The following KIF6 variants were observed in gnomAD, a reference collection of about 807,000 sequenced individuals.
KIF6 encodes kinesin-like protein KIF6.
KIF6 carries 106 observed loss-of-function variants against 112.7 expected under a neutral mutation model. The observed-to-expected ratio is 0.94, with a 90% CI of 0.80 to 1.11. The LOEUF (loss-of-function observed/expected upper bound fraction) is 1.11. Among genes scored for constraint, KIF6 ranks in the 50% least tolerant of loss-of-function variants. KIF6 has a pLI of 0.00. For missense variants in KIF6, 929 were observed against 964.0 expected (o/e 0.96, Z 0.48); for synonymous variants, 339 against 339.9 (o/e 1.00, Z 0.03).
chr6:39,634,736 C>T (rs1000341751), intron 5 of KIF6, 113 bp downstream of exon 5: 19 of 736,828 alleles, frequency 2.6e-5, no homozygotes, highest in Non-Finnish European at 3.9e-5. Context: ...ATACGGTTAT[C>T]CAGTATTTGC....
At chr6:39,598,599 G>T (rs545720274) in intron 6 of KIF6, among the ~76,000 whole-genome samples, 3 of 151,998 alleles carry the variant, frequency 2.0e-5, no homozygotes, top group Admixed American at 1.3e-4. Flanking sequence ...GTGTGTGTGT[G>T]TGTGTGTATC....
At chr6:39,514,949 A>G (rs1438791014) in intron 13 of KIF6, among the ~76,000 whole-genome samples, 1 of 152,256 alleles carries the variant, frequency 6.6e-6, no homozygotes, top group Non-Finnish European at 1.5e-5. Flanking sequence ...AGGAAAGCTT[A>G]AGTAATGTGT....
chr6:39,707,249 T>C (rs1582494770), intron 3 of KIF6, among the ~76,000 whole-genome samples: 1 of 152,210 alleles, frequency 6.6e-6, no homozygotes, highest in African/African-American at 2.4e-5. Context: ...CTTACTTCCC[T>C]TAGGGCCCCC....
intron 6 of KIF6, among the ~76,000 whole-genome samples, chr6:39,608,912 G>A (rs1783042031): frequency 6.6e-6 from 1 of 152,198 alleles, no homozygotes; most frequent in Non-Finnish European, 1.5e-5. Context: ...AGAGAATAGA[G>A]ATGAACAAGA....
At chr6:39,643,345 G>A (rs1785005910) in intron 3 of KIF6, among the ~76,000 whole-genome samples, 1 of 152,114 alleles carries the variant, frequency 6.6e-6, no homozygotes, top group African/African-American at 2.4e-5. Context: ...AGAAAGTCAA[G>A]GGACACAGAA....
At chr6:39,339,881 C>T (rs1015169522) in intron 22 of KIF6, among the ~76,000 whole-genome samples, 1 of 152,208 alleles carries the variant, frequency 6.6e-6, no homozygotes, top group Non-Finnish European at 1.5e-5. Flanking sequence ...CCTCTCTGGG[C>T]TCCTGCTCCT....
intron 3 of KIF6, among the ~76,000 whole-genome samples, chr6:39,641,757 G>A (rs865925537): frequency 6.6e-6 from 1 of 151,940 alleles, no homozygotes; most frequent in African/African-American, 2.4e-5. Flanking sequence ...TGAGTAGGTA[G>A]TACACTACGT....
intron 13 of KIF6, among the ~76,000 whole-genome samples, chr6:39,483,111 G>C (rs998807351): frequency 2.0e-5 from 3 of 152,146 alleles, no homozygotes; most frequent in African/African-American, 7.2e-5. Context: ...CCTTCTCTCT[G>C]CCAAAGAAGC....
In KIF6 at chr6:39,712,260, T is replaced by C. The variant is rs538700884; in HGVS notation, c.251+2432A>G. 2.0e-5 allele frequency among the ~76,000 whole-genome samples: 3 copies of C among 151,726 alleles called. No homozygotes were observed. In the South Asian group the frequency reaches 6.3e-4, roughly 32 times the overall value. ...TAAAAACAAAATGTCACAAGGCAGT[T>C]GACTAGGAGAAGGAGAAAGACAAGA... On this transcript the variant is annotated intron_variant, in intron 3 of 22. Transcript: ENST00000287152.
At chr6:39,482,122 A>C (rs1323803244) in intron 13 of KIF6, among the ~76,000 whole-genome samples, 1 of 152,052 alleles carries the variant, frequency 6.6e-6, no homozygotes, top group Non-Finnish European at 1.5e-5. Flanking sequence ...GATGCTTTCC[A>C]GGTCACAGCT....
chr6:39,567,596 A>G (rs1780363114), intron 10 of KIF6, among the ~76,000 whole-genome samples: 2 of 151,462 alleles, frequency 1.3e-5, no homozygotes, highest in South Asian at 2.1e-4. Context: ...CAAATCAATG[A>G]CACAGAAGTG....
rs527648415 is a variant in KIF6 at position 39,376,604 on chromosome 6, C to T, written c.1861+9018G>A. Among the ~76,000 whole-genome samples, 4 of 152,316 alleles carry T rather than the reference C, an allele frequency of 2.6e-5. No homozygotes were observed. The South Asian group carries it at 6.2e-4, about 24-fold the overall frequency. On this transcript the variant is annotated intron_variant, in intron 16 of 22. Coordinates refer to ENST00000287152, the MANE Select transcript of KIF6 (RefSeq NM_145027.6). ...ATAAACACTTATGGAGGACCTACTG[C>T]GTGACAGTCACTGTGCTTGGTGTTG...
chr6:39,669,506 A>G (rs1786677691), intron 3 of KIF6, among the ~76,000 whole-genome samples: 1 of 152,334 alleles, frequency 6.6e-6, no homozygotes, highest in African/African-American at 2.4e-5. Context: ...AATATTTTCC[A>G]CATCTCACAT....
At chr6:39,595,066 G>T (rs1281895290) in intron 7 of KIF6, among the ~76,000 whole-genome samples, 1 of 152,110 alleles carries the variant, frequency 6.6e-6, no homozygotes, top group South Asian at 2.1e-4. Flanking sequence ...ACATACTGGG[G>T]TAGATTGTAA....
intron 3 of KIF6, among the ~76,000 whole-genome samples, chr6:39,695,665 C>T (rs1788491479): frequency 6.6e-6 from 1 of 152,066 alleles, no homozygotes; most frequent in African/African-American, 2.4e-5. Flanking sequence ...GTCAAGGTTG[C>T]AGAGAAAAGG....
chr6:39,670,734 C>T (rs1786765993), intron 3 of KIF6, among the ~76,000 whole-genome samples: 1 of 152,142 alleles, frequency 6.6e-6, no homozygotes, highest in Admixed American at 6.5e-5. Context: ...AAAAAGTGCT[C>T]TAGGTGTTGC....
rs1450518766 is a variant in KIF6, at chr6:39,343,616, A to G, written c.2428+93T>C. On this transcript the variant is annotated intron_variant, in intron 22 of 22. Coordinates refer to ENST00000287152, the MANE Select transcript of KIF6 (RefSeq NM_145027.6). This position sits in a 1 kb window ranked among gnomAD's most constrained non-coding sequence, Gnocchi z 4.1. The stretch of plus-strand genomic sequence containing the variant: ...TCCTGTGGCTTCAGGAATATGCAGG[A>G]AACTCCCTACTCCCCTCCCACCTCA... The G allele has an allele frequency of 8.5e-7, 1 of 1,176,876 alleles. No homozygotes were observed. Among genetic ancestry groups the G allele is most frequent in the African/African-American group, 1.5e-5 (1 of 65,406 alleles). 72.9% of individuals were successfully genotyped at this position (1,176,876 alleles called of 1,614,324 possible). A position where few individuals can be genotyped will look rare whatever the true frequency, so the allele number is the denominator to read the frequency against.
chr6:39,497,658 T>C (rs1006791717), intron 13 of KIF6, among the ~76,000 whole-genome samples: 1 of 152,212 alleles, frequency 6.6e-6, no homozygotes, highest in African/African-American at 2.4e-5. Context: ...TGAGGTTCGA[T>C]GGGGCCAGAC....
intron 13 of KIF6, among the ~76,000 whole-genome samples, chr6:39,506,564 G>C (rs913911745): frequency 6.6e-6 from 1 of 152,100 alleles, no homozygotes; most frequent in Non-Finnish European, 1.5e-5. Context: ...CTCTGCCCCT[G>C]GTTCCTGACA....
Sources: allele counts gnomAD v4.1 joint callset (sites outside exome capture counted in the v4.1 genomes callset), GRCh38; gene constraint gnomAD v4.1.1; non-coding constraint Gnocchi (gnomAD v3.1); transcripts MANE v1.5; gene names NCBI Gene and HGNC (gene_info 2026-07-23, HGNC 2026-07-21).